The following CCDC201 variants were observed in gnomAD, a reference collection of about 807,000 sequenced individuals.
CCDC201 encodes the protein coiled-coil domain-containing protein 201.
At chr7:45,871,594 T>C (rs192927830) in intron 1 of CCDC201, among the ~76,000 whole-genome samples, 8 of 152,146 alleles carry the variant, frequency 5.3e-5, no homozygotes. Flanking sequence ...TATAAACTTA[T>C]AAAAACTTCT....
At chr7:45,878,677 G>T in the CCDC201 span, among the ~76,000 whole-genome samples, 1 of 152,254 alleles carries the variant, frequency 6.6e-6, no homozygotes, top group African/African-American at 2.4e-5. Context: ...GGCCCACAAA[G>T]CCATTTGCCC....
At chr7:45,883,093 G>T in the CCDC201 span, among the ~76,000 whole-genome samples, 1 of 152,192 alleles carries the variant, frequency 6.6e-6, no homozygotes, top group Non-Finnish European at 1.5e-5. Flanking sequence ...TATAGTAAAC[G>T]TTTATGAAAC....
At chr7:45,882,685 G>T in the CCDC201 span, among the ~76,000 whole-genome samples, 2 of 152,186 alleles carry the variant, frequency 1.3e-5, no homozygotes, top group Non-Finnish European at 2.9e-5. Context: ...TGACACAATG[G>T]GACTGCTATG....
chr7:45,877,797 C>T (rs977248417), upstream of CCDC201, among the ~76,000 whole-genome samples: 1 of 152,176 alleles, frequency 6.6e-6, no homozygotes, highest in African/African-American at 2.4e-5. Flanking sequence ...CCTGTGAAAT[C>T]TCATGCCCTT....
upstream of CCDC201, among the ~76,000 whole-genome samples, chr7:45,874,214 T>C (rs1786775102): frequency 6.6e-6 from 1 of 152,164 alleles, no homozygotes; most frequent in South Asian, 2.1e-4. Context: ...GCACGGCCAG[T>C]AAGCCTGTTT....
At chr7:45,871,495 T>C (rs1333337481) in intron 1 of CCDC201, among the ~76,000 whole-genome samples, 2 of 152,188 alleles carry the variant, frequency 1.3e-5, no homozygotes, top group Non-Finnish European at 2.9e-5. Flanking sequence ...ATAAGAGTAT[T>C]AGAAGGAACT....
intron 1 of CCDC201, among the ~76,000 whole-genome samples, chr7:45,867,967 A>C (rs1169094101): frequency 6.6e-6 from 1 of 152,238 alleles, no homozygotes; most frequent in Non-Finnish European, 1.5e-5. Flanking sequence ...ATATTCATTC[A>C]AAGTGGTGGG....
chr7:45,874,511 G>A (rs112282741), upstream of CCDC201, among the ~76,000 whole-genome samples: 608 of 152,292 alleles, frequency 4.0e-3, 3 homozygotes, highest in African/African-American at 0.014. Context: ...GAGGAGGCAC[G>A]GCTGCAGAGC....
intron 1 of CCDC201, among the ~76,000 whole-genome samples, chr7:45,872,134 A>G (rs1278511639): frequency 6.6e-6 from 1 of 152,216 alleles, no homozygotes; most frequent in Non-Finnish European, 1.5e-5. Flanking sequence ...TTGAAATTTT[A>G]TGCTCTTATA....
At chr7:45,863,913 C>A (rs996033947) in intron 2 of CCDC201, among the ~76,000 whole-genome samples, 79 of 152,164 alleles carry the variant, frequency 5.2e-4, no homozygotes, top group Non-Finnish European at 2.9e-5. Flanking sequence ...CCAGCAGGAG[C>A]CACCGGGAGG....
At chr7:45,870,169 A>G (rs1479407502) in intron 1 of CCDC201, among the ~76,000 whole-genome samples, 1 of 152,220 alleles carries the variant, frequency 6.6e-6, no homozygotes, top group African/African-American at 2.4e-5. Context: ...AATTTTTAAA[A>G]AAGTTTTCTG....
the CCDC201 span, among the ~76,000 whole-genome samples, chr7:45,884,030 C>T: frequency 2.1e-5 from 3 of 144,992 alleles, no homozygotes; most frequent in Admixed American, 7.0e-5. Flanking sequence ...TCTCTTTCTT[C>T]CTTCCTTCCT....
At chr7:45,868,038 C>A (rs75417004) in intron 1 of CCDC201, among the ~76,000 whole-genome samples, 1 of 152,318 alleles carries the variant, frequency 6.6e-6, no homozygotes, top group East Asian at 1.9e-4. Context: ...TTAAAACAGA[C>A]ATCTGTAATT....
At chr7:45,861,309 A>AT (rs1786597246) in exon 3 of CCDC201, 1 of 152,232 alleles carries the variant, frequency 6.6e-6, no homozygotes, top group African/African-American at 2.4e-5. Flanking sequence ...TAAAATAAAC[A>AT]TTTTTTAAAT....
upstream of CCDC201, among the ~76,000 whole-genome samples, chr7:45,876,602 T>C (rs1035349465): frequency 1.3e-5 from 2 of 152,256 alleles, no homozygotes. Flanking sequence ...ATCTCAGGTC[T>C]CTGTGACCTC....
At chr7:45,860,821 T>C (rs1786589807) in exon 3 of CCDC201, 1 of 152,256 alleles carries the variant, frequency 6.6e-6, no homozygotes, top group Admixed American at 6.5e-5. Flanking sequence ...TATCTTCCCA[T>C]GGATGGAACA....
At chr7:45,865,140 C>A (rs1477989082) in intron 2 of CCDC201, among the ~76,000 whole-genome samples, 1 of 152,194 alleles carries the variant, frequency 6.6e-6, no homozygotes, top group Non-Finnish European at 1.5e-5. Context: ...GCTACTAGAA[C>A]AAGGCCAGAG....
upstream of CCDC201, among the ~76,000 whole-genome samples, chr7:45,875,395 G>A (rs764598790): frequency 1.3e-4 from 20 of 149,974 alleles, no homozygotes; most frequent in Middle Eastern, 3.4e-3. Flanking sequence ...CTTGGGAGGC[G>A]GAGATACGAG....
the CCDC201 span, among the ~76,000 whole-genome samples, chr7:45,883,343 G>A: frequency 3.3e-5 from 5 of 152,164 alleles, no homozygotes; most frequent in Non-Finnish European, 7.3e-5. Flanking sequence ...TCTTCAGCAT[G>A]AGTATAACCC....
Sources: allele counts gnomAD v4.1 joint callset (sites outside exome capture counted in the v4.1 genomes callset), GRCh38; gene constraint gnomAD v4.1.1; transcripts MANE v1.5; gene names NCBI Gene and HGNC (gene_info 2026-07-23, HGNC 2026-07-21).